ANO4: variants seen among roughly 807,000 people sequenced by gnomAD.
ANO4 encodes anoctamin 4.
In ANO4, 69 loss-of-function variants were observed where a neutral mutation model predicts 141.9. That is an observed-to-expected ratio of 0.49 (90% confidence interval 0.40 to 0.59). ANO4 has a LOEUF of 0.59. ANO4 is among the 20% of genes least tolerant of loss of function. The pLI, the probability that ANO4 is intolerant of heterozygous loss-of-function variation, is 0.00. For missense variants in ANO4, 894 were observed against 1,162.2 expected, an observed-to-expected ratio of 0.77 and a Z score of 3.36; for synonymous variants, 350 against 394.3, an observed-to-expected ratio of 0.89 and a Z score of 1.33.
chr12:100,936,330 T>A (rs2042283283), intron 3 of ANO4, among the ~76,000 whole-genome samples: 1 of 152,174 alleles, frequency 6.6e-6, no homozygotes, highest in Non-Finnish European at 1.5e-5. Flanking sequence ...CATTGTAGGA[T>A]GTATAGCGGC....
chr12:100,982,663 T>G (rs2136315339), intron 7 of ANO4, among the ~76,000 whole-genome samples: 1 of 152,360 alleles, frequency 6.6e-6, no homozygotes, highest in South Asian at 2.1e-4. Flanking sequence ...TACCATTGCC[T>G]TGTTCTATGG....
At chr12:101,020,240 G>C (rs1207620080) in intron 9 of ANO4, 100 bp downstream of exon 9, 12 of 794,362 alleles carry the variant, frequency 1.5e-5, no homozygotes, top group Admixed American at 2.6e-5. Flanking sequence ...AGCAATGCTT[G>C]TCACTTATAA....
intron 1 of ANO4, among the ~76,000 whole-genome samples, chr12:100,723,216 G>GT (rs146648954): frequency 1.3e-5 from 2 of 152,012 alleles, no homozygotes; most frequent in Non-Finnish European, 2.9e-5. Context: ...AAAACGTTAT[G>GT]TTTTTTTGTA....
At chr12:100,720,195 A>G (rs1047234747) in intron 1 of ANO4, among the ~76,000 whole-genome samples, 1 of 152,056 alleles carries the variant, frequency 6.6e-6, no homozygotes, top group Non-Finnish European at 1.5e-5. Context: ...CCCCACCTGA[A>G]CCAGGAAGGG....
intron 1 of ANO4, among the ~76,000 whole-genome samples, chr12:100,798,390 AG>A (rs1565883360): frequency 6.6e-6 from 1 of 152,212 alleles, no homozygotes. Context: ...TCTTCAGCAG[AG>A]ATTCAGAACT....
At chr12:101,102,844 G>T (rs1363217657) in intron 22 of ANO4, among the ~76,000 whole-genome samples, 1 of 151,670 alleles carries the variant, frequency 6.6e-6, no homozygotes, top group Non-Finnish European at 1.5e-5. Flanking sequence ...CATGAAAATG[G>T]TATACCTTTG....
At chr12:100,963,476 C>CTGTGTG (rs376705210) in intron 5 of ANO4, among the ~76,000 whole-genome samples, 7 of 151,584 alleles carry the variant, frequency 4.6e-5, no homozygotes, top group African/African-American at 1.7e-4. Context: ...CACCAGGACA[C>CTGTGTG]TGTGTGTGTG....
intron 1 of ANO4, among the ~76,000 whole-genome samples, chr12:100,882,004 T>C (rs1431242648): frequency 6.6e-6 from 1 of 152,168 alleles, no homozygotes; most frequent in Admixed American, 6.5e-5. Flanking sequence ...TTGACAAGAA[T>C]ACTGACCTCA....
chr12:101,115,258 C>T (rs2050809412), intron 24 of ANO4, among the ~76,000 whole-genome samples: 1 of 152,156 alleles, frequency 6.6e-6, no homozygotes, highest in African/African-American at 2.4e-5. Context: ...ATAATCCCCT[C>T]AAGGACCCTA....
intron 3 of ANO4, among the ~76,000 whole-genome samples, chr12:100,765,518 A>C (rs2033038280): frequency 6.6e-6 from 1 of 151,248 alleles, no homozygotes; most frequent in Admixed American, 6.6e-5. Flanking sequence ...AGCTGGGACC[A>C]TAGACATAGG....
chr12:100,875,619 T>A (rs954299802), intron 1 of ANO4, among the ~76,000 whole-genome samples: 4 of 152,248 alleles, frequency 2.6e-5, no homozygotes, highest in African/African-American at 9.6e-5. Flanking sequence ...ATTGTTCTCC[T>A]GTAATGTGTC....
chr12:100,803,739 AAATGAG>A (rs1349193110), intron 1 of ANO4, among the ~76,000 whole-genome samples: 1 of 152,146 alleles, frequency 6.6e-6, no homozygotes, highest in Non-Finnish European at 1.5e-5. Flanking sequence ...TCAATTATAA[AAATGAG>A]ATTAACTAAT....
At chr12:101,104,629 A>ATG (rs1450864035) in intron 22 of ANO4, among the ~76,000 whole-genome samples, 12 of 23,046 alleles carry the variant, frequency 5.2e-4, no homozygotes, top group Non-Finnish European at 3.2e-4. Flanking sequence ...GTATGTGTGT[A>ATG]TATATATATA....
At chr12:100,772,943 C>T (rs928200940) in intron 3 of ANO4, among the ~76,000 whole-genome samples, 1 of 152,196 alleles carries the variant, frequency 6.6e-6, no homozygotes, top group Non-Finnish European at 1.5e-5. Flanking sequence ...TGTCCCAATT[C>T]TATCCTCTTC....
chr12:100,754,362 G>T (rs1185088488), intron 3 of ANO4, among the ~76,000 whole-genome samples: 1 of 132,996 alleles, frequency 7.5e-6, no homozygotes, highest in East Asian at 2.2e-4. Context: ...TCTTGCCGGG[G>T]CAGGGGTAGT....
intron 25 of ANO4, 50 bp downstream of exon 25, chr12:101,116,848 G>C: frequency 2.5e-6 from 4 of 1,612,590 alleles, no homozygotes; most frequent in Non-Finnish European, 3.4e-6. Context: ...TGGCTCCACC[G>C]TGGGGAGGTT....
At chr12:100,991,498 AG>A (rs141542827) in intron 8 of ANO4, among the ~76,000 whole-genome samples, 5,665 of 125,528 alleles carry the variant, frequency 0.045, 189 homozygotes, top group East Asian at 0.13. Flanking sequence ...AGGTGGGAGG[AG>A]GGCATGAAAA....
chr12:101,046,891 A>C (rs1380328029), intron 13 of ANO4, among the ~76,000 whole-genome samples: 1 of 152,186 alleles, frequency 6.6e-6, no homozygotes, highest in Admixed American at 6.5e-5. Flanking sequence ...AACAATGATA[A>C]CTGCAGTCCA....
intron 14 of ANO4, among the ~76,000 whole-genome samples, chr12:101,064,307 T>A (rs1029039985): frequency 2.0e-5 from 3 of 152,222 alleles, no homozygotes; most frequent in African/African-American, 7.2e-5. Flanking sequence ...ACCAAATGCT[T>A]GGGAGATTTT....
Sources: allele counts gnomAD v4.1 joint callset (sites outside exome capture counted in the v4.1 genomes callset), GRCh38; gene constraint gnomAD v4.1.1; transcripts MANE v1.5; gene names NCBI Gene and HGNC (gene_info 2026-07-23, HGNC 2026-07-21).